The following PACSIN2 variants were observed in gnomAD, a reference collection of about 807,000 sequenced individuals.
PACSIN2 encodes protein kinase C and casein kinase substrate in neurons protein 2.
PACSIN2 carries 25 observed loss-of-function variants against 63.8 expected under a neutral mutation model. The ratio of observed to expected loss-of-function variants is 0.39; its 90% CI spans 0.29 to 0.55. The LOEUF (loss-of-function observed/expected upper bound fraction) is 0.55. PACSIN2 is among the 20% of genes least tolerant of loss of function. The pLI is 0.62. For missense variants in PACSIN2, 518 were observed against 646.9 expected (o/e 0.80, Z 2.16); for synonymous variants, 255 against 256.2 (o/e 1.00, Z 0.05).
chr22:42,998,939 T>A (rs1923586154), intron 1 of PACSIN2, among the ~76,000 whole-genome samples: 1 of 152,032 alleles, frequency 6.6e-6, no homozygotes, highest in Non-Finnish European at 1.5e-5. Context: ...CAGGAAAAGA[T>A]CACCTTCCCA....
chr22:43,001,236 T>C (rs1364481670), intron 1 of PACSIN2, among the ~76,000 whole-genome samples: 1 of 152,206 alleles, frequency 6.6e-6, no homozygotes, highest in Non-Finnish European at 1.5e-5. Flanking sequence ...TAAGAGCATA[T>C]GGTTCTGGGC....
intron 1 of PACSIN2, among the ~76,000 whole-genome samples, chr22:42,990,434 C>A (rs1601609599): frequency 6.6e-6 from 1 of 152,176 alleles, no homozygotes; most frequent in African/African-American, 2.4e-5. Context: ...CCTCCGCCTA[C>A]CCAGCTCCTA....
At chr22:42,973,645 A>G (rs1020753599) in intron 1 of PACSIN2, among the ~76,000 whole-genome samples, 1 of 152,164 alleles carries the variant, frequency 6.6e-6, no homozygotes, top group Non-Finnish European at 1.5e-5. Context: ...CAAGCCCCAC[A>G]CTTGTGCCAC....
intron 2 of PACSIN2, among the ~76,000 whole-genome samples, chr22:42,896,564 G>C (rs1378877334): frequency 1.3e-5 from 2 of 152,164 alleles, no homozygotes; most frequent in African/African-American, 4.8e-5. Context: ...TTCAGTTTGG[G>C]GGAATTATGA....
At chr22:42,955,521 T>C (rs544688024) in intron 1 of PACSIN2, among the ~76,000 whole-genome samples, 18 of 151,896 alleles carry the variant, frequency 1.2e-4, no homozygotes, top group African/African-American at 3.6e-4. Flanking sequence ...ACAGTTTACA[T>C]AGCCTCACAT....
chr22:42,967,731 A>T (rs1007823518), intron 1 of PACSIN2, among the ~76,000 whole-genome samples: 1 of 152,100 alleles, frequency 6.6e-6, no homozygotes, highest in African/African-American at 2.4e-5. Flanking sequence ...TACTAAAAAT[A>T]CAAAAAATTA....
chr22:42,961,448 A>T (rs890701195), intron 1 of PACSIN2, among the ~76,000 whole-genome samples: 2 of 19,868 alleles, frequency 1.0e-4, no homozygotes, highest in African/African-American at 1.6e-3. Flanking sequence ...ATGATCAATT[A>T]AAAAAAAAAA....
At chr22:42,933,433 C>G (rs968501670) in intron 1 of PACSIN2, among the ~76,000 whole-genome samples, 2 of 152,198 alleles carry the variant, frequency 1.3e-5, no homozygotes, top group Admixed American at 1.3e-4. Flanking sequence ...AAGTGGAAGC[C>G]TCAATTCAAG....
chr22:42,918,395 T>A (rs562264838), intron 1 of PACSIN2, among the ~76,000 whole-genome samples: 39 of 152,290 alleles, frequency 2.6e-4, no homozygotes, highest in Non-Finnish European at 4.3e-4. Context: ...AGAAGTGGGA[T>A]AAACCACCAT....
At chr22:42,976,955 C>T (rs755941337) in intron 1 of PACSIN2, among the ~76,000 whole-genome samples, 3 of 152,174 alleles carry the variant, frequency 2.0e-5, no homozygotes, top group Non-Finnish European at 4.4e-5. Flanking sequence ...TCATGTTATG[C>T]TATCCTTGCA....
chr22:42,968,677 A>C (rs1220024638), intron 1 of PACSIN2, among the ~76,000 whole-genome samples: 2 of 152,180 alleles, frequency 1.3e-5, no homozygotes. Context: ...AGCCACCATC[A>C]ATAAGGGCAG....
In PACSIN2 at chr22:42,983,495, A is replaced by AAAAAC. The variant is rs1922382803; in HGVS notation, c.-78+31525_-78+31526insGTTTT. 2.1e-5 allele frequency among the ~76,000 whole-genome samples: 3 copies of AAAAAC among 142,334 alleles called. No homozygotes were observed. In the South Asian group the frequency reaches 7.1e-4, roughly 34 times the overall value. The allele number at this position is 142,334 out of a possible 152,430, so 93.4% of individuals were successfully genotyped here. On this transcript the variant is annotated intron_variant, in intron 1 of 10. Transcript: ENST00000263246. ...ACAGAGTGAGACTCCATCTCAAAAA[A>AAAAAC]AAAAAAAAAAAAACAGATATTGAAG...
At chr22:43,006,893 G>T (rs564638435) in intron 1 of PACSIN2, among the ~76,000 whole-genome samples, 26 of 152,296 alleles carry the variant, frequency 1.7e-4, no homozygotes, top group African/African-American at 6.0e-4. Context: ...CAGGTTAAGA[G>T]AATGAGTCAA....
At chr22:42,979,027 G>A (rs1254578558) in intron 1 of PACSIN2, among the ~76,000 whole-genome samples, 1 of 152,172 alleles carries the variant, frequency 6.6e-6, no homozygotes, top group Non-Finnish European at 1.5e-5. Flanking sequence ...GTGACAGAAA[G>A]GAATGCATCC....
chr22:42,981,572 G>A (rs1365732595), intron 1 of PACSIN2, among the ~76,000 whole-genome samples: 409 of 92,834 alleles, frequency 4.4e-3, no homozygotes, highest in Non-Finnish European at 6.6e-3. Flanking sequence ...GAGGTGAGGG[G>A]CGCCTCTGCC....
chr22:42,941,468 A>T (rs568197543), intron 1 of PACSIN2, among the ~76,000 whole-genome samples: 2 of 152,350 alleles, frequency 1.3e-5, no homozygotes, highest in South Asian at 4.1e-4. Flanking sequence ...TCCAACATTC[A>T]GCCAGAGTGC....
At chr22:43,005,166 C>T (rs1319410451) in intron 1 of PACSIN2, among the ~76,000 whole-genome samples, 1 of 152,224 alleles carries the variant, frequency 6.6e-6, no homozygotes, top group Non-Finnish European at 1.5e-5. Flanking sequence ...CAATTTCACA[C>T]AGGTGAGCAG....
At chr22:42,928,478 T>C (rs1249608039) in intron 1 of PACSIN2, among the ~76,000 whole-genome samples, 2 of 152,254 alleles carry the variant, frequency 1.3e-5, no homozygotes, top group African/African-American at 4.8e-5. Flanking sequence ...GTTTTGTTTT[T>C]ATTTTTAAGA....
intron 10 of PACSIN2, among the ~76,000 whole-genome samples, chr22:42,874,389 A>G (rs1190244514): frequency 6.6e-6 from 1 of 152,192 alleles, no homozygotes; most frequent in African/African-American, 2.4e-5. Flanking sequence ...TTGCACAGAA[A>G]GTCTTCACAG....
Sources: gnomAD v4.1 joint callset for allele counts (sites outside exome capture counted in the v4.1 genomes callset) on GRCh38, gnomAD v4.1.1 for gene constraint, MANE v1.5 for transcripts, NCBI Gene and HGNC (gene_info 2026-07-23, HGNC 2026-07-21) for gene names.